COMMD10: variants seen among roughly 807,000 people sequenced by gnomAD.
COMMD10 encodes COMM domain-containing protein 10.
A neutral mutation model predicts 28.9 loss-of-function variants in COMMD10; 33 were observed. The observed-to-expected ratio is 1.14, with a 90% CI of 0.87 to 1.53. The LOEUF (loss-of-function observed/expected upper bound fraction) is 1.53. COMMD10 is among the 40% of genes most tolerant of loss of function. The pLI is 0.00. For missense variants in COMMD10, 310 were observed against 233.4 expected (o/e 1.33, Z -2.14); for synonymous variants, 110 against 81.7 (o/e 1.35, Z -1.87).
chr5:116,258,094 C>G (rs1445786500), intron 5 of COMMD10, among the ~76,000 whole-genome samples: 2 of 151,676 alleles, frequency 1.3e-5, no homozygotes. Flanking sequence ...TGAAGAAAAG[C>G]AAATTCATAT....
chr5:116,192,985 C>G (rs1748409202), intron 5 of COMMD10, among the ~76,000 whole-genome samples: 1 of 152,180 alleles, frequency 6.6e-6, no homozygotes. Context: ...ACCCTATAAG[C>G]TAGAAGGGAT....
rs1751365281 is a variant in COMMD10 at position 116,291,651 on chromosome 5, A to AT, written c.570+80dup. 18 of 816,880 alleles carry AT rather than the reference A, an allele frequency of 2.2e-5. No individual in the cohort carries two copies. In the South Asian group the frequency reaches 3.2e-4, roughly 15 times the overall value. The allele number at this position is 816,880 out of a possible 1,614,324, so 50.6% of individuals were successfully genotyped here. ...ATTTTGTTTCATTTTATGAATTCTT[A>AT]TTTTTAAATGTCATATTATGGAACT... On this transcript the variant is annotated intron_variant, in intron 6 of 6. Coordinates refer to ENST00000274458, the MANE Select transcript of COMMD10 (RefSeq NM_016144.4).
intron 5 of COMMD10, among the ~76,000 whole-genome samples, chr5:116,145,599 T>G (rs1010554249): frequency 3.3e-5 from 5 of 151,748 alleles, no homozygotes; most frequent in African/African-American, 1.2e-4. Context: ...AGCCATACTC[T>G]CTGATGTGGT....
intron 5 of COMMD10, among the ~76,000 whole-genome samples, chr5:116,160,193 T>A (rs549288985): frequency 6.6e-6 from 1 of 152,286 alleles, no homozygotes; most frequent in African/African-American, 2.4e-5. Context: ...AATAGAGATA[T>A]GGGAGAGACT....
chr5:116,273,284 A>G (rs188180264), intron 5 of COMMD10, among the ~76,000 whole-genome samples: 3 of 151,874 alleles, frequency 2.0e-5, no homozygotes, highest in Admixed American at 1.3e-4. Flanking sequence ...TTTTTGAAGA[A>G]CCCTCCTTGT....
At chr5:116,190,131 G>A (rs1748311690) in intron 5 of COMMD10, among the ~76,000 whole-genome samples, 1 of 152,092 alleles carries the variant, frequency 6.6e-6, no homozygotes, top group South Asian at 2.1e-4. Context: ...GCAGCTTCAA[G>A]CACCACAGCC....
At chr5:116,241,853 G>A (rs982536888) in intron 5 of COMMD10, among the ~76,000 whole-genome samples, 3 of 151,856 alleles carry the variant, frequency 2.0e-5, no homozygotes, top group Admixed American at 6.6e-5. Context: ...TCCTGACCTC[G>A]TGATCCACCC....
chr5:116,204,744 T>G (rs928106014), intron 5 of COMMD10, among the ~76,000 whole-genome samples: 8 of 152,158 alleles, frequency 5.3e-5, no homozygotes, highest in African/African-American at 1.9e-4. Flanking sequence ...CATTTTGATA[T>G]TAATATTTGA....
At chr5:116,125,011 T>C (rs563472074) in intron 4 of COMMD10, among the ~76,000 whole-genome samples, 1 of 151,836 alleles carries the variant, frequency 6.6e-6, no homozygotes, top group Admixed American at 6.6e-5. Context: ...GAGTGTCTTG[T>C]GTCAGTCTGT....
chr5:116,156,744 T>A (rs1752724050), intron 5 of COMMD10, among the ~76,000 whole-genome samples: 1 of 152,196 alleles, frequency 6.6e-6, no homozygotes, highest in South Asian at 2.1e-4. Flanking sequence ...TTTAGAGACA[T>A]TAACAAAGGG....
chr5:116,170,470 A>T (rs1467356850), intron 5 of COMMD10, among the ~76,000 whole-genome samples: 1 of 152,200 alleles, frequency 6.6e-6, no homozygotes, highest in East Asian at 1.9e-4. Flanking sequence ...TTCTTCACAG[A>T]ATTAGAGGAA....
chr5:116,105,664 A>G (rs911052250), intron 4 of COMMD10, among the ~76,000 whole-genome samples: 1 of 152,122 alleles, frequency 6.6e-6, no homozygotes, highest in African/African-American at 2.4e-5. Flanking sequence ...CAGGGATTCA[A>G]ATTCTTCCTG....
At chr5:116,134,886 G>T (rs943590382) in intron 5 of COMMD10, among the ~76,000 whole-genome samples, 4 of 152,138 alleles carry the variant, frequency 2.6e-5, no homozygotes, top group African/African-American at 9.7e-5. Context: ...CTCCCAAAGT[G>T]CTGGGATTAC....
intron 5 of COMMD10, among the ~76,000 whole-genome samples, chr5:116,143,038 A>C (rs1044303170): frequency 2.1e-5 from 3 of 145,494 alleles, no homozygotes; most frequent in Non-Finnish European, 4.5e-5. Flanking sequence ...CAATACAGAA[A>C]TGTTTTCCCT....
chr5:116,275,165 C>T (rs1750869746), intron 5 of COMMD10, among the ~76,000 whole-genome samples: 1 of 151,794 alleles, frequency 6.6e-6, no homozygotes, highest in Admixed American at 6.6e-5. Context: ...TCATCTCACC[C>T]ATGTCTTTCA....
chr5:116,223,961 A>G (rs1477278353), intron 5 of COMMD10, among the ~76,000 whole-genome samples: 1 of 152,172 alleles, frequency 6.6e-6, no homozygotes, highest in Non-Finnish European at 1.5e-5. Flanking sequence ...TTTTTTTAAA[A>G]GTAATGCATG....
chr5:116,095,090 T>C, intron 4 of COMMD10, among the ~76,000 whole-genome samples: 1 of 152,112 alleles, frequency 6.6e-6, no homozygotes, highest in East Asian at 1.9e-4. Flanking sequence ...TCAGAAGTAA[T>C]AAGTTTAATG....
chr5:116,087,269 G>C (rs1296400898), intron 1 of COMMD10, among the ~76,000 whole-genome samples: 1 of 152,180 alleles, frequency 6.6e-6, no homozygotes, highest in Non-Finnish European at 1.5e-5. Flanking sequence ...CCAAAAGAAA[G>C]AGAAAATTTG....
At chr5:116,280,336 T>C (rs1017775055) in intron 5 of COMMD10, among the ~76,000 whole-genome samples, 1 of 151,864 alleles carries the variant, frequency 6.6e-6, no homozygotes, top group Admixed American at 6.6e-5. Flanking sequence ...GCTTGCACTT[T>C]CTCAGGCTGG....
Sources: allele counts gnomAD v4.1 joint callset (sites outside exome capture counted in the v4.1 genomes callset), GRCh38; gene constraint gnomAD v4.1.1; transcripts MANE v1.5; gene names NCBI Gene and HGNC (gene_info 2026-07-23, HGNC 2026-07-21).